Variants in ZCCHC24 observed in about 807,000 individuals in gnomAD.
ZCCHC24 encodes zinc finger CCHC-type containing 24.
Under a neutral mutation model 26.2 loss-of-function variants are expected in ZCCHC24, and 10 were observed. The observed-to-expected ratio is 0.38, with a 90% CI of 0.24 to 0.65. The LOEUF (loss-of-function observed/expected upper bound fraction) is 0.65. Among genes scored for constraint, ZCCHC24 ranks in the 30% least tolerant of loss-of-function variants. ZCCHC24 has a pLI of 0.54. For synonymous variants in ZCCHC24, 144 were observed against 147.1 expected (o/e 0.98, Z 0.15); for missense variants, 243 against 329.1 (o/e 0.74, Z 2.03).
In ZCCHC24 at chr10:79,382,848, G is replaced by A. The variant is rs1018142977; in HGVS notation, c.*3497C>T. The stretch of plus-strand genomic sequence containing the variant: ...GGCTCAGATGGCAAAGCTCCCGAGC[G>A]GCGAGGCCAGGCTTTGCCCCACTTC... On this transcript the variant is annotated 3_prime_UTR_variant, in exon 4 of 4. Transcript: ENST00000372336. 4 of 152,762 alleles carry A rather than the reference G, an allele frequency of 2.6e-5. No individual in the cohort carries two copies. Among genetic ancestry groups the A allele is most frequent in the Non-Finnish European group, 5.9e-5 (4 of 68,048 alleles). The allele number at this position is 152,762 out of a possible 1,614,324, so 9.5% of individuals were successfully genotyped here.
intron 2 of ZCCHC24, among the ~76,000 whole-genome samples, chr10:79,428,409 TAAATTTCAGTTTTGCA>T (rs1362344677): frequency 6.7e-5 from 2 of 29,936 alleles, no homozygotes; most frequent in Non-Finnish European, 7.6e-5. Flanking sequence ...TTTTGCAAGA[TAAATTTCAGTTTTGCA>T]AGATAAATTT....
chr10:79,392,975 G>GCCTC (rs1159457616), intron 3 of ZCCHC24, among the ~76,000 whole-genome samples: 1 of 152,120 alleles, frequency 6.6e-6, no homozygotes, highest in Non-Finnish European at 1.5e-5. Context: ...CACCAGCCAA[G>GCCTC]CCTCCAACAG....
At chr10:79,398,270 G>T (rs1442801402) in intron 2 of ZCCHC24, among the ~76,000 whole-genome samples, 2 of 152,216 alleles carry the variant, frequency 1.3e-5, no homozygotes, top group African/African-American at 4.8e-5. Context: ...ACTATCCAGG[G>T]AGTTCCTCGC....
chr10:79,393,725 C>T (rs571664954), intron 3 of ZCCHC24, among the ~76,000 whole-genome samples: 1 of 152,348 alleles, frequency 6.6e-6, no homozygotes, highest in Admixed American at 6.5e-5. Flanking sequence ...GGGCCTGAAG[C>T]ACCCCAAGTC....
At chr10:79,425,787 T>G (rs1857019556) in intron 2 of ZCCHC24, among the ~76,000 whole-genome samples, 1 of 152,228 alleles carries the variant, frequency 6.6e-6, no homozygotes, top group Admixed American at 6.5e-5. Context: ...TGCTATTGTA[T>G]AGTGTATGAT....
chr10:79,416,011 G>C (rs1232200076), intron 2 of ZCCHC24, among the ~76,000 whole-genome samples: 3 of 152,220 alleles, frequency 2.0e-5, no homozygotes, highest in Non-Finnish European at 4.4e-5. Context: ...GGTGGAGCCT[G>C]AGGACCCGGG....
At chr10:79,387,637 C>CAGG (rs10685693) in intron 3 of ZCCHC24, among the ~76,000 whole-genome samples, 115,843 of 151,830 alleles carry the variant, frequency 0.76, 44,387 homozygotes, top group East Asian at 0.88. Context: ...GGAGAGGGGG[C>CAGG]AGAACCTGGA....
At chr10:79,442,000 T>C (rs191335019) in intron 1 of ZCCHC24, among the ~76,000 whole-genome samples, 2 of 152,282 alleles carry the variant, frequency 1.3e-5, no homozygotes, top group Admixed American at 6.5e-5. Context: ...TTTACGGTTG[T>C]GAATTTAAGT....
intron 2 of ZCCHC24, among the ~76,000 whole-genome samples, chr10:79,399,097 T>A (rs1188866944): frequency 6.6e-6 from 1 of 152,108 alleles, no homozygotes; most frequent in Admixed American, 6.5e-5. Context: ...CCCAGTCCAG[T>A]GTCAGGCCTT....
At chr10:79,423,925 G>T (rs1856991647) in intron 2 of ZCCHC24, among the ~76,000 whole-genome samples, 1 of 150,792 alleles carries the variant, frequency 6.6e-6, no homozygotes, top group Admixed American at 6.6e-5. Flanking sequence ...GGCTGAGGCA[G>T]GAGAATCGCT....
intron 1 of ZCCHC24, among the ~76,000 whole-genome samples, chr10:79,438,228 G>GCA (rs1230479684): frequency 1.3e-5 from 2 of 151,854 alleles, no homozygotes; most frequent in African/African-American, 2.4e-5. Flanking sequence ...ACAGACACGC[G>GCA]CACACACACA....
At chr10:79,390,767 T>G (rs1856469450) in intron 3 of ZCCHC24, among the ~76,000 whole-genome samples, 1 of 151,262 alleles carries the variant, frequency 6.6e-6, no homozygotes, top group Non-Finnish European at 1.5e-5. Context: ...GGGACCGGAG[T>G]CGGTAGGGGG....
chr10:79,445,212 G>C lies in ZCCHC24; in HGVS notation c.229C>G (p.Gln77Glu). 1 of 1,305,332 alleles carries C rather than the reference G, an allele frequency of 7.7e-7. No homozygotes were observed. The highest frequency in any genetic ancestry group is 9.8e-7 in the Non-Finnish European group (1 of 1,019,966). 80.9% of individuals were successfully genotyped at this position (1,305,332 alleles called of 1,614,324 possible). A position where few individuals can be genotyped will look rare whatever the true frequency, so the allele number is the denominator to read the frequency against. ...LHSSYLNSFF[Q>E]LQRGEALSNS... is the part of the protein sequence containing the mutation. The stretch of plus-strand genomic sequence containing the variant: ...GCACCCACCTCTCCGCGCTGCAGCT[G>C]GAAGAAGCTGTTGAGATAGCTGGAG... Residue 77 changes from glutamine (Q) to glutamate (E), a missense_variant, in exon 1 of 4, where the codon CAG becomes GAG. Physicochemically the swap from Gln to Glu is conservative, Grantham distance 29. Around this residue, in one of 2 missense-constraint regions of ZCCHC24, gnomAD observed 147 missense variants for 150.8 expected, o/e 0.97. Coordinates refer to ENST00000372336, the MANE Select transcript of ZCCHC24 (RefSeq NM_153367.4).
intron 3 of ZCCHC24, among the ~76,000 whole-genome samples, chr10:79,387,132 C>T (rs147968197): frequency 6.6e-6 from 1 of 152,212 alleles, no homozygotes; most frequent in East Asian, 1.9e-4. Context: ...GGCCCAGTGC[C>T]CTATTTGTTG....
intron 2 of ZCCHC24, chr10:79,403,503 G>A (rs1381887793): frequency 1.0e-6 from 1 of 985,352 alleles, no homozygotes; most frequent in African/African-American, 1.7e-5. Context: ...AGGCTCCACG[G>A]AGGCCCCGGA....
In ZCCHC24 at chr10:79,443,415, T is replaced by C. The variant is rs923343590; in HGVS notation, c.246+1780A>G. 1.3e-5 allele frequency among the ~76,000 whole-genome samples: 2 copies of C among 152,168 alleles called. 1 individual carries two copies. The highest frequency in any genetic ancestry group is 4.1e-4 in the South Asian group (2 of 4,834). ...CATGGTAGGGGGAGCAGAGGGAGGC[T>C]AGAAGAGGTTGATTAGGGGTCCACA... On this transcript the variant is annotated intron_variant, in intron 1 of 3. Coordinates refer to ENST00000372336, the MANE Select transcript of ZCCHC24 (RefSeq NM_153367.4).
chr10:79,405,362 C>T (rs1856697317), intron 2 of ZCCHC24, among the ~76,000 whole-genome samples: 1 of 152,236 alleles, frequency 6.6e-6, no homozygotes, highest in Non-Finnish European at 1.5e-5. Flanking sequence ...GCTCAGAATC[C>T]TTTGGCAGCT....
intron 2 of ZCCHC24, among the ~76,000 whole-genome samples, chr10:79,429,029 G>A (rs572156741): frequency 1.2e-4 from 19 of 152,306 alleles, no homozygotes; most frequent in South Asian, 2.1e-4. Flanking sequence ...AGACGGCATC[G>A]CAGGTGAATT....
intron 2 of ZCCHC24, among the ~76,000 whole-genome samples, chr10:79,430,382 C>T (rs1488075853): frequency 6.6e-6 from 1 of 151,812 alleles, no homozygotes; most frequent in African/African-American, 2.4e-5. Flanking sequence ...ACAGACCATG[C>T]AGGTCTTAGC....
Sources: gnomAD v4.1 joint callset for allele counts (sites outside exome capture counted in the v4.1 genomes callset) on GRCh38, gnomAD v4.1.1 for gene constraint, gnomAD v4.1.1 regional missense constraint, MANE v1.5 for transcripts, NCBI Gene and HGNC (gene_info 2026-07-23, HGNC 2026-07-21) for gene names.